Variants in PDCD1LG2 observed in about 807,000 individuals in gnomAD.
PDCD1LG2 encodes the protein programmed cell death 1 ligand 2, also known as B7 dendritic cell molecule.
In PDCD1LG2, 32 loss-of-function variants were observed where a neutral mutation model predicts 28.2. That is an observed-to-expected ratio of 1.13 (90% confidence interval 0.86 to 1.52). PDCD1LG2 has a LOEUF of 1.52. PDCD1LG2 is among the 40% of genes most tolerant of loss of function. PDCD1LG2 has a pLI of 0.00. For synonymous variants in PDCD1LG2, 116 were observed against 120.2 expected (o/e 0.97, Z 0.23); for missense variants, 385 against 323.8 (o/e 1.19, Z -1.45).
chr9:5,516,346 G>A (rs905883007), intron 1 of PDCD1LG2, among the ~76,000 whole-genome samples: 6 of 152,218 alleles, frequency 3.9e-5, no homozygotes, highest in African/African-American at 7.2e-5. Context: ...CACTGAGCCC[G>A]GTCGAGTCCA....
intron 4 of PDCD1LG2, 80 bp from the exon 5 acceptor site, chr9:5,557,538 T>G: frequency 6.6e-7 from 1 of 1,507,670 alleles, no homozygotes. Context: ...GTGTTGGCTG[T>G]CACCCACTCA....
rs147204854 is a variant in PDCD1LG2, at chr9:5,562,075, G to A, written c.767-1087G>A. 1.3e-3 allele frequency among the ~76,000 whole-genome samples: 194 copies of A among 152,284 alleles called. 1 individual carries two copies. The highest frequency in any genetic ancestry group is 4.3e-3 in the African/African-American group (180 of 41,550). On this transcript the variant is annotated intron_variant, in intron 5 of 6. Transcript: ENST00000397747. ...AATTACTAAAAACCTGGTATATAGG[G>A]CAAAAGCAGAATTAGGAATGGACTG...
At chr9:5,510,914 A>G (rs1046181915) in intron 1 of PDCD1LG2, 111 bp downstream of exon 1, 2 of 152,656 alleles carry the variant, frequency 1.3e-5, no homozygotes, top group Non-Finnish European at 2.9e-5. Flanking sequence ...ATTTGAGGCA[A>G]GAGACATTCT....
At chr9:5,531,766 A>G (rs889579329) in intron 2 of PDCD1LG2, among the ~76,000 whole-genome samples, 2 of 152,206 alleles carry the variant, frequency 1.3e-5, no homozygotes, top group African/African-American at 4.8e-5. Context: ...TCTTGTTGTT[A>G]TGCAGACTCA....
chr9:5,526,698 A>G (rs923877469), intron 2 of PDCD1LG2, among the ~76,000 whole-genome samples: 1 of 152,154 alleles, frequency 6.6e-6, no homozygotes, highest in African/African-American at 2.4e-5. Flanking sequence ...CCAGCCTCCC[A>G]AAGCACTGAG....
At chr9:5,535,164 G>C (rs1268009462) in intron 3 of PDCD1LG2, 114 bp downstream of exon 3, 2 of 919,760 alleles carry the variant, frequency 2.2e-6, no homozygotes, top group Non-Finnish European at 3.2e-6. Context: ...TGCTTTTAAG[G>C]AGACAGCTAT....
rs1011305315 is a variant in PDCD1LG2 at position 5,571,151 on chromosome 9, G to A, written c.*1192G>A. The A allele has an allele frequency of 4.3e-6, 1 of 232,684 alleles. No homozygotes were observed. Among genetic ancestry groups the A allele is most frequent in the Admixed American group, 5.6e-5 (1 of 17,774 alleles). The allele number at this position is 232,684 out of a possible 1,614,324, so 14.4% of individuals were successfully genotyped here. On this transcript the variant is annotated 3_prime_UTR_variant, in exon 7 of 7. Coordinates refer to ENST00000397747, the MANE Select transcript of PDCD1LG2 (RefSeq NM_025239.4). Reference sequence around the variant, plus strand: ...AAATTTGGGGCTTATGAGAATGAAAGGGTGTGAAATTGACTAACAGACAAA... The same window carrying A: ...AAATTTGGGGCTTATGAGAATGAAAAGGTGTGAAATTGACTAACAGACAAA...
intron 4 of PDCD1LG2, among the ~76,000 whole-genome samples, chr9:5,551,218 A>T (rs1816325239): frequency 1.3e-5 from 2 of 152,188 alleles, no homozygotes; most frequent in Non-Finnish European, 1.5e-5. Flanking sequence ...CTGAGAAGGG[A>T]TATACTCTCA....
chr9:5,537,871 C>G (rs7028082), intron 3 of PDCD1LG2, among the ~76,000 whole-genome samples: 63,463 of 151,764 alleles, frequency 0.42, 14,945 homozygotes, highest in African/African-American at 0.65. Context: ...CTAAAACTTA[C>G]TGTTAAAAAA....
chr9:5,526,160 G>A (rs1360068896), intron 2 of PDCD1LG2, among the ~76,000 whole-genome samples: 1 of 152,124 alleles, frequency 6.6e-6, no homozygotes, highest in East Asian at 1.9e-4. Flanking sequence ...CTTAGGGTAG[G>A]TGGTAGGTTC....
At chr9:5,556,953 C>G (rs189181249) in intron 4 of PDCD1LG2, among the ~76,000 whole-genome samples, 143 of 152,300 alleles carry the variant, frequency 9.4e-4, no homozygotes, top group African/African-American at 3.3e-3. Context: ...TTCCTCAGTG[C>G]TAGGACGTTG....
At chr9:5,552,992 A>T (rs1816367967) in intron 4 of PDCD1LG2, among the ~76,000 whole-genome samples, 1 of 152,208 alleles carries the variant, frequency 6.6e-6, no homozygotes, top group Non-Finnish European at 1.5e-5. Flanking sequence ...CTGTAATCCC[A>T]GCACTTTGGG....
chr9:5,530,394 C>G (rs935352251), intron 2 of PDCD1LG2, among the ~76,000 whole-genome samples: 1 of 150,224 alleles, frequency 6.7e-6, no homozygotes, highest in South Asian at 2.1e-4. Flanking sequence ...TTCAGGAGTT[C>G]AATCCTAGGT....
intron 2 of PDCD1LG2, among the ~76,000 whole-genome samples, chr9:5,528,276 TTA>T (rs563402663): frequency 6.8e-6 from 1 of 147,492 alleles, no homozygotes; most frequent in Admixed American, 6.8e-5. Context: ...TATATATATT[TTA>T]TATATATATA....
At chr9:5,525,304 C>G (rs1319545018) in intron 2 of PDCD1LG2, among the ~76,000 whole-genome samples, 1 of 148,980 alleles carries the variant, frequency 6.7e-6, no homozygotes, top group Non-Finnish European at 1.5e-5. Flanking sequence ...AAGATCATGT[C>G]ACTGTATTCC....
At position 5,519,370 on chromosome 9, in the gene PDCD1LG2, T is replaced by C. The variant is rs147051498; in HGVS notation, c.-14-3163T>C. Among the ~76,000 whole-genome samples, 1,140 of 152,242 alleles carry C rather than the reference T, an allele frequency of 7.5e-3. 6 individuals carry two copies. The highest frequency in any genetic ancestry group is 0.012 in the Non-Finnish European group (830 of 68,010). Reference sequence around the variant, plus strand: ...CATGGGCAAGTGGTTTACTCTCTCTTAGAGGTTAGAATTGGCTAACCCTGG... The same window carrying C: ...CATGGGCAAGTGGTTTACTCTCTCTCAGAGGTTAGAATTGGCTAACCCTGG... On this transcript the variant is annotated intron_variant, in intron 1 of 6. Coordinates refer to ENST00000397747, the MANE Select transcript of PDCD1LG2 (RefSeq NM_025239.4).
rs979689947 is a variant in PDCD1LG2, at chr9:5,570,367, AGAGTT to A, written c.*409_*413del. ...TAACAGAAACAGATGGGTTGCCAAT[AGAGTT>A]ATTTTTTATCTATAGCTTCCTCTGG... On this transcript the variant is annotated 3_prime_UTR_variant, in exon 7 of 7. Transcript: ENST00000397747. The A allele has an allele frequency of 8.1e-6, 2 of 247,608 alleles. No individual in the cohort carries two copies. The highest frequency in any genetic ancestry group is 4.4e-5 in the African/African-American group (2 of 45,804). 15.3% of individuals were successfully genotyped at this position (247,608 alleles called of 1,614,324 possible). A position where few individuals can be genotyped will look rare whatever the true frequency, so the allele number is the denominator to read the frequency against.
At chr9:5,531,206 T>C (rs1820477635) in intron 2 of PDCD1LG2, among the ~76,000 whole-genome samples, 1 of 152,226 alleles carries the variant, frequency 6.6e-6, no homozygotes, top group Admixed American at 6.5e-5. Flanking sequence ...GTGAATCTAA[T>C]TTGCAGCTGG....
At chr9:5,561,887 C>T (rs1223850624) in intron 5 of PDCD1LG2, among the ~76,000 whole-genome samples, 1 of 152,190 alleles carries the variant, frequency 6.6e-6, no homozygotes, top group Non-Finnish European at 1.5e-5. Flanking sequence ...AATGGCAGCA[C>T]TAACCTCAGG....
Sources: allele counts gnomAD v4.1 joint callset (sites outside exome capture counted in the v4.1 genomes callset), GRCh38; gene constraint gnomAD v4.1.1; transcripts MANE v1.5; gene names NCBI Gene and HGNC (gene_info 2026-07-23, HGNC 2026-07-21).